Variants in PRDM10 observed in about 807,000 individuals in gnomAD.
The protein encoded by PRDM10 is PR/SET domain 10, also known as PR domain zinc finger protein 10.
In PRDM10, 65 loss-of-function variants were observed where a neutral mutation model predicts 133.1. The observed-to-expected ratio is 0.49, with a 90% CI of 0.40 to 0.60. The LOEUF is 0.60. PRDM10 is among the 20% of genes least tolerant of loss of function. The pLI, the probability that PRDM10 is intolerant of heterozygous loss-of-function variation, is 0.00. For missense variants in PRDM10, 1,137 were observed against 1,507.1 expected, an observed-to-expected ratio of 0.75 and a Z score of 4.07; for synonymous variants, 582 against 580.4, an observed-to-expected ratio of 1.00 and a Z score of -0.04.
chr11:129,937,677 GAAGC>G lies in PRDM10; in HGVS notation c.967-11_967-8del. On this transcript the variant is annotated splice_polypyrimidine_tract_variant and splice_region_variant and intron_variant, in intron 7 of 20. Coordinates refer to ENST00000360871, the MANE Select transcript of PRDM10 (RefSeq NM_199437.2). ...AGGATGCGGCATACCACACCTGCAA[GAAGC>G]AAGTATATCATCAAGAACTGGGGAC... 1 of 1,611,324 alleles carries G rather than the reference GAAGC, an allele frequency of 6.2e-7. No individual in the cohort carries two copies. Among genetic ancestry groups the G allele is most frequent in the Non-Finnish European group, 8.5e-7 (1 of 1,179,154 alleles).
intron 1 of PRDM10, among the ~76,000 whole-genome samples, chr11:129,988,516 A>G (rs555165466): frequency 1.5e-4 from 23 of 150,954 alleles, no homozygotes; most frequent in Admixed American, 4.6e-4. Context: ...ACAGCCATAA[A>G]TCACCGCACT....
At chr11:129,938,027 C>G (rs1246223010) in intron 7 of PRDM10, among the ~76,000 whole-genome samples, 1 of 152,172 alleles carries the variant, frequency 6.6e-6, no homozygotes, top group Non-Finnish European at 1.5e-5. Context: ...GTGGTTGCCA[C>G]CAAACAGCCC....
intron 1 of PRDM10, among the ~76,000 whole-genome samples, chr11:129,991,518 T>C (rs1938745108): frequency 6.6e-6 from 1 of 152,086 alleles, no homozygotes; most frequent in Admixed American, 6.6e-5. Context: ...ACCCTGTCTC[T>C]ACTAAAAATA....
intron 1 of PRDM10, among the ~76,000 whole-genome samples, chr11:129,976,647 A>G (rs1449419613): frequency 6.6e-6 from 1 of 152,196 alleles, no homozygotes; most frequent in Non-Finnish European, 1.5e-5. Context: ...ACCAAGAAGA[A>G]TGAAAATAAA....
At position 129,923,832 on chromosome 11, in the gene PRDM10, C is replaced by T. The variant is rs1181425932; in HGVS notation, c.1879-429G>A. On this transcript the variant is annotated intron_variant, in intron 12 of 20. Transcript: ENST00000360871. This position sits in a 1 kb window ranked among gnomAD's most constrained non-coding sequence, Gnocchi z 4.4. ...AAACCAATTCTTCCTTACTTTTCTC[C>T]GTCTTTAATCTGCACAGAAGCAATT... Among the ~76,000 whole-genome samples, 2 of 152,216 alleles carry T rather than the reference C, an allele frequency of 1.3e-5. No homozygotes were observed. The highest frequency in any genetic ancestry group is 2.1e-4 in the South Asian group (1 of 4,830).
intron 6 of PRDM10, among the ~76,000 whole-genome samples, chr11:129,943,987 T>A (rs2135868001): frequency 6.6e-6 from 1 of 152,028 alleles, no homozygotes; most frequent in East Asian, 1.9e-4. Flanking sequence ...CGAGGCTCCA[T>A]CTCAAAAAAT....
At chr11:129,929,652 A>C (rs1473597894) in intron 11 of PRDM10, among the ~76,000 whole-genome samples, 5 of 152,114 alleles carry the variant, frequency 3.3e-5, no homozygotes, top group Non-Finnish European at 7.4e-5. Flanking sequence ...CACCAAAACC[A>C]GTAACCCTGC....
intron 1 of PRDM10, among the ~76,000 whole-genome samples, chr11:129,980,624 A>G (rs1938051513): frequency 6.6e-6 from 1 of 152,226 alleles, no homozygotes. Flanking sequence ...GTATATCCAT[A>G]CAATGGAATA....
In PRDM10 at chr11:129,969,606, C is replaced by T. The variant is rs373066269; in HGVS notation, c.-118-8524G>A. Reference sequence around the variant, plus strand: ...GAGAGTAGTTCGAGACCAGCCTGGCCAACATAGTGAAACCCCATCTCTACT... The same window carrying T: ...GAGAGTAGTTCGAGACCAGCCTGGCTAACATAGTGAAACCCCATCTCTACT... On this transcript the variant is annotated intron_variant, in intron 1 of 20. Transcript: ENST00000360871. Among the ~76,000 whole-genome samples, 111 of 139,508 alleles carry T rather than the reference C, an allele frequency of 8.0e-4. 1 individual carries two copies. The Middle Eastern group carries it at 0.011, about 14-fold the overall frequency. 91.5% of individuals were successfully genotyped at this position (139,508 alleles called of 152,430 possible). A position where few individuals can be genotyped will look rare whatever the true frequency, so the allele number is the denominator to read the frequency against.
At chr11:129,944,738 G>T in intron 6 of PRDM10, 33 bp downstream of exon 6, 2 of 1,611,638 alleles carry the variant, frequency 1.2e-6, no homozygotes, top group East Asian at 2.2e-5. Flanking sequence ...ACTGGTAAAG[G>T]ACAGGAGTGA....
intron 1 of PRDM10, among the ~76,000 whole-genome samples, chr11:129,972,918 C>G (rs1222796172): frequency 1.3e-5 from 2 of 152,180 alleles, no homozygotes; most frequent in African/African-American, 2.4e-5. Flanking sequence ...ACATAAAACT[C>G]GTCCTTCAAA....
At chr11:129,941,894 A>T (rs1481013785) in intron 7 of PRDM10, among the ~76,000 whole-genome samples, 4 of 152,148 alleles carry the variant, frequency 2.6e-5, no homozygotes, top group Non-Finnish European at 5.9e-5. Context: ...TAACTCCATC[A>T]TAGGTAGAGG....
chr11:129,916,353 A>G (rs1399770735), intron 15 of PRDM10, among the ~76,000 whole-genome samples: 1 of 152,256 alleles, frequency 6.6e-6, no homozygotes, highest in Admixed American at 6.5e-5. Flanking sequence ...GCTACATTAT[A>G]TAAGGAAAGG....
intron 1 of PRDM10, among the ~76,000 whole-genome samples, chr11:129,998,566 A>G (rs1939181358): frequency 1.3e-5 from 2 of 152,188 alleles, no homozygotes; most frequent in Admixed American, 1.3e-4. Flanking sequence ...ACCACATTTT[A>G]ACTAGTCTTG....
intron 11 of PRDM10, among the ~76,000 whole-genome samples, chr11:129,927,036 T>A (rs954006623): frequency 6.6e-6 from 1 of 151,926 alleles, no homozygotes; most frequent in Non-Finnish European, 1.5e-5. Flanking sequence ...TAAAACCCTG[T>A]CTCTACCAAA....
intron 2 of PRDM10, among the ~76,000 whole-genome samples, chr11:129,959,303 T>C (rs1465793562): frequency 2.0e-5 from 3 of 152,258 alleles, no homozygotes; most frequent in Non-Finnish European, 4.4e-5. Context: ...AGTTTGTCTA[T>C]TGGAAAAATT....
chr11:129,943,769 T>C (rs1156359826), intron 6 of PRDM10, among the ~76,000 whole-genome samples: 2 of 151,662 alleles, frequency 1.3e-5, no homozygotes, highest in Non-Finnish European at 1.5e-5. Flanking sequence ...CTGAGGTGGG[T>C]GGATCACGAG....
At chr11:129,981,591 T>C (rs972773731) in intron 1 of PRDM10, among the ~76,000 whole-genome samples, 1 of 152,166 alleles carries the variant, frequency 6.6e-6, no homozygotes, top group Non-Finnish European at 1.5e-5. Flanking sequence ...GTGCCAATCA[T>C]TTATTTAAAT....
At chr11:129,984,203 T>C (rs973665537) in intron 1 of PRDM10, among the ~76,000 whole-genome samples, 2 of 152,184 alleles carry the variant, frequency 1.3e-5, no homozygotes, top group Non-Finnish European at 2.9e-5. Context: ...CCGCACTCGC[T>C]CAGCGGAGGT....
Sources: allele counts gnomAD v4.1 joint callset (sites outside exome capture counted in the v4.1 genomes callset), GRCh38; gene constraint gnomAD v4.1.1; non-coding constraint Gnocchi (gnomAD v3.1); transcripts MANE v1.5; gene names NCBI Gene and HGNC (gene_info 2026-07-23, HGNC 2026-07-21).